Variants in CASD1 observed in about 807,000 individuals in gnomAD.
CASD1 encodes N-acetylneuraminate (7)9-O-acetyltransferase.
A neutral mutation model predicts 100.0 loss-of-function variants in CASD1; 41 were observed. The observed-to-expected ratio is 0.41, with a 90% CI of 0.32 to 0.53. The LOEUF (loss-of-function observed/expected upper bound fraction) is 0.53. Ranked by LOEUF, CASD1 falls within the 20% of genes least tolerant of loss-of-function variation. CASD1 has a pLI of 0.25. For synonymous variants in CASD1, 321 were observed against 315.6 expected, an observed-to-expected ratio of 1.02 and a Z score of -0.18; for missense variants, 774 against 948.7, an observed-to-expected ratio of 0.82 and a Z score of 2.42.
chr7:94,575,985 G>A, the CASD1 span, among the ~76,000 whole-genome samples: 2 of 145,492 alleles, frequency 1.4e-5, no homozygotes, highest in African/African-American at 5.1e-5. Flanking sequence ...CCTACTTGGA[G>A]GTCATTGAGC....
chr7:94,602,607 A>G, the CASD1 span, among the ~76,000 whole-genome samples: 2 of 152,120 alleles, frequency 1.3e-5, no homozygotes, highest in Non-Finnish European at 2.9e-5. Context: ...CAAAGAATTG[A>G]AACAACTCTC....
At chr7:94,616,756 T>C in the CASD1 span, 1 of 152,210 alleles carries the variant, frequency 6.6e-6, no homozygotes, top group African/African-American at 2.4e-5. Flanking sequence ...ACAAACTTTT[T>C]TTTCGAATTA....
the CASD1 span, chr7:94,618,709 C>A: frequency 6.8e-7 from 1 of 1,470,460 alleles, no homozygotes; most frequent in South Asian, 1.1e-5. Context: ...GATAAGATCA[C>A]CGTATTTAAA....
the CASD1 span, chr7:94,585,549 TA>T: frequency 6.8e-7 from 1 of 1,468,412 alleles, no homozygotes; most frequent in African/African-American, 1.4e-5. Context: ...GGGCAGGAGT[TA>T]GTCAGGGCAT....
chr7:94,588,311 G>A, the CASD1 span: 1 of 1,072,758 alleles, frequency 9.3e-7, no homozygotes, highest in Non-Finnish European at 1.1e-6. Flanking sequence ...GTTTCCTTTT[G>A]TAAGAGAGCT....
At chr7:94,622,159 T>C in the CASD1 span, 2 of 152,222 alleles carry the variant, frequency 1.3e-5, no homozygotes, top group Non-Finnish European at 2.9e-5. Context: ...TGATAAAATG[T>C]TTGGTGTTTG....
At chr7:94,512,670 C>A (rs75544615) in intron 1 of CASD1, among the ~76,000 whole-genome samples, 10,707 of 152,194 alleles carry the variant, frequency 0.07, 1,239 homozygotes, top group African/African-American at 0.24. Flanking sequence ...GAGGTAGATA[C>A]AATTACCATA....
the CASD1 span, among the ~76,000 whole-genome samples, chr7:94,630,656 T>C: frequency 6.6e-6 from 1 of 151,958 alleles, no homozygotes; most frequent in Non-Finnish European, 1.5e-5. Flanking sequence ...TTTGCTCTGA[T>C]AGCATCTTCT....
At chr7:94,602,419 CT>C in the CASD1 span, among the ~76,000 whole-genome samples, 3 of 152,150 alleles carry the variant, frequency 2.0e-5, no homozygotes, top group South Asian at 2.1e-4. Flanking sequence ...AGCTGGCTCT[CT>C]AAGACATGAA....
chr7:94,533,837 G>A (rs1037840313), intron 7 of CASD1, 35 bp downstream of exon 7: 1 of 1,500,832 alleles, frequency 6.7e-7, no homozygotes, highest in Non-Finnish European at 8.9e-7. Context: ...GTCACTTTGT[G>A]TATATTTTGA....
chr7:94,556,582 T>C lies in CASD1; in HGVS notation c.*824T>C, dbSNP rs1796213054. The C allele has an allele frequency of 6.6e-6, 1 of 152,070 alleles. No individual in the cohort carries two copies. Among genetic ancestry groups the C allele is most frequent in the Admixed American group, 6.6e-5 (1 of 15,256 alleles). 9.4% of individuals were successfully genotyped at this position (152,070 alleles called of 1,614,324 possible). Reference sequence around the variant, plus strand: ...TCCCCACTAATTAATTTTCGTATATTATTTCCAATATTTGGAAAGCTCTTT... The same window carrying C: ...TCCCCACTAATTAATTTTCGTATATCATTTCCAATATTTGGAAAGCTCTTT... On this transcript the variant is annotated 3_prime_UTR_variant, in exon 18 of 18. Coordinates refer to ENST00000297273, the MANE Select transcript of CASD1 (RefSeq NM_022900.5).
chr7:94,588,645 T>G, the CASD1 span: 5 of 1,566,088 alleles, frequency 3.2e-6, no homozygotes, highest in Admixed American at 8.4e-5. Context: ...TTTTAATCTA[T>G]TAGATTCATT....
chr7:94,580,658 C>G, the CASD1 span, among the ~76,000 whole-genome samples: 1 of 152,142 alleles, frequency 6.6e-6, no homozygotes, highest in Non-Finnish European at 1.5e-5. Flanking sequence ...AACAGATGGC[C>G]TTAGAACTCT....
the CASD1 span, among the ~76,000 whole-genome samples, chr7:94,576,342 A>G: frequency 7.9e-5 from 12 of 152,262 alleles, no homozygotes; most frequent in East Asian, 2.3e-3. Context: ...AGGCCTGGCC[A>G]TTGGCTGGCC....
chr7:94,632,878 G>T, the CASD1 span, among the ~76,000 whole-genome samples: 1 of 151,868 alleles, frequency 6.6e-6, no homozygotes, highest in East Asian at 1.9e-4. Context: ...AAGCTGATGG[G>T]GTCCACTCCA....
the CASD1 span, chr7:94,599,540 C>T: frequency 3.0e-6 from 2 of 664,264 alleles, no homozygotes; most frequent in Non-Finnish European, 5.3e-6. Context: ...TCTACCCCTC[C>T]TAAATATCTC....
Position 94,555,743 on chromosome 7 carries a change from T to A in CASD1, c.2379T>A (p.Asp793Glu). 6.2e-7 allele frequency: 1 copy of A among 1,611,976 alleles called. No individual in the cohort carries two copies. The highest frequency in any genetic ancestry group is 1.1e-5 in the South Asian group (1 of 90,828). The change falls in exon 18 of 18, where the codon GAT (aspartate) becomes GAA (glutamate). Residue 793 changes from aspartate to glutamate, a missense_variant. By Grantham distance (45) the Asp-to-Glu change is conservative. Transcript: ENST00000297273. The part of the protein sequence containing the change: ...CGLLILSSIQ[D>E]KSKH ...TCCTCATCTTATCATCCATTCAAGATAAATCAAAACATTAGGTTCCAAAAA... is the reference window on the plus strand; with the variant it reads ...TCCTCATCTTATCATCCATTCAAGAAAAATCAAAACATTAGGTTCCAAAAA...
intron 5 of CASD1, among the ~76,000 whole-genome samples, chr7:94,528,860 G>A (rs150875654): frequency 1.5e-3 from 225 of 152,182 alleles, no homozygotes; most frequent in African/African-American, 5.2e-3. Flanking sequence ...CTTTCCCAGA[G>A]ACATTTGTAT....
chr7:94,625,724 G>A, the CASD1 span: 4 of 152,070 alleles, frequency 2.6e-5, no homozygotes, highest in Middle Eastern at 3.4e-3. Context: ...GCAAGCTTAA[G>A]TTCACTATTG....
Sources: allele counts gnomAD v4.1 joint callset (sites outside exome capture counted in the v4.1 genomes callset), GRCh38; gene constraint gnomAD v4.1.1; transcripts MANE v1.5; gene names NCBI Gene and HGNC (gene_info 2026-07-23, HGNC 2026-07-21).